FCRL5: variants seen among roughly 807,000 people sequenced by gnomAD.
FCRL5 encodes Fc receptor like 5, also known as Fc receptor-like protein 5.
Under a neutral mutation model 92.1 loss-of-function variants are expected in FCRL5, and 79 were observed. That is an observed-to-expected ratio of 0.86 (90% CI 0.72 to 1.03). The LOEUF (loss-of-function observed/expected upper bound fraction) is 1.03. FCRL5 is among the 50% of genes least tolerant of loss of function. The pLI, the probability that FCRL5 is intolerant of heterozygous loss-of-function variation, is 0.00. For missense variants in FCRL5, 1,160 were observed against 1,181.1 expected (o/e 0.98, Z 0.26); for synonymous variants, 466 against 469.3 (o/e 0.99, Z 0.09).
chr1:157,524,171 C>A (rs1220078215), intron 10 of FCRL5, 108 bp downstream of exon 10: 3 of 1,194,938 alleles, frequency 2.5e-6, no homozygotes, highest in Non-Finnish European at 2.4e-6. Flanking sequence ...TGCTGGGATG[C>A]CACACAAGCA....
At position 157,539,068 on chromosome 1, in the gene FCRL5, C is replaced by A; in HGVS notation, c.1402+18G>T. 6.2e-7 allele frequency: 1 copy of A among 1,607,888 alleles called. No homozygotes were observed. On this transcript the variant is annotated intron_variant, in intron 7 of 16. Transcript: ENST00000361835. ...CTCTTGGCCAGGGGTGGGTGATTGG[C>A]AGGAACCCAGGGCTTACCAGTGACG...
chr1:157,535,429 A>G (rs1375434734), intron 7 of FCRL5, among the ~76,000 whole-genome samples: 1 of 152,210 alleles, frequency 6.6e-6, no homozygotes, highest in African/African-American at 2.4e-5. Flanking sequence ...ATTCAAAAAC[A>G]ACTTTATTTG....
chr1:157,549,847 C>T (rs972037644), intron 1 of FCRL5, among the ~76,000 whole-genome samples: 21 of 151,758 alleles, frequency 1.4e-4, no homozygotes, highest in African/African-American at 4.9e-4. Flanking sequence ...AACAGAAACA[C>T]GATTTAAAAT....
chr1:157,544,736 G>A, intron 4 of FCRL5, 95 bp downstream of exon 4: 1 of 1,520,768 alleles, frequency 6.6e-7, no homozygotes, highest in Non-Finnish European at 9.0e-7. Context: ...TGGTTTAGTG[G>A]TATTCCAGTC....
At chr1:157,546,274 C>T in intron 3 of FCRL5, 1 of 454,116 alleles carries the variant, frequency 2.2e-6, no homozygotes. Context: ...ATGAGGAAAT[C>T]CCATCTCTGC....
At position 157,520,260 on chromosome 1, in the gene FCRL5, T is replaced by C. The variant is rs1393459774; in HGVS notation, c.2632+171A>G. Among the ~76,000 whole-genome samples, 3 of 152,158 alleles carry C rather than the reference T, an allele frequency of 2.0e-5. No homozygotes were observed. In the East Asian group the frequency reaches 5.8e-4, roughly 29 times the overall value. On this transcript the variant is annotated intron_variant, in intron 12 of 16. Coordinates refer to ENST00000361835, the MANE Select transcript of FCRL5 (RefSeq NM_031281.3). Reference sequence around the variant, plus strand: ...CCTTATAGGTCTGTTTTGGAAACTGTGCATTTGGTAAAAGCAATTCGGGAG... The same window carrying C: ...CCTTATAGGTCTGTTTTGGAAACTGCGCATTTGGTAAAAGCAATTCGGGAG...
chr1:157,552,483 G>C lies in FCRL5; in HGVS notation c.-121C>G. On this transcript the variant is annotated 5_prime_UTR_variant, in exon 1 of 17. Transcript: ENST00000361835. ...CAGCTCCAAGGAGCACATCTGAGAAGCTGTGCTCTCAAAAAGAGCAGAATG... is the reference window on the plus strand; with the variant it reads ...CAGCTCCAAGGAGCACATCTGAGAACCTGTGCTCTCAAAAAGAGCAGAATG... 1 of 1,017,950 alleles carries C rather than the reference G, an allele frequency of 9.8e-7. No individual in the cohort carries two copies. The highest frequency in any genetic ancestry group is 1.5e-6 in the Non-Finnish European group (1 of 649,416). 63.1% of individuals were successfully genotyped at this position (1,017,950 alleles called of 1,614,324 possible). A position where few individuals can be genotyped will look rare whatever the true frequency, so the allele number is the denominator to read the frequency against.
chr1:157,544,579 A>T, intron 4 of FCRL5, 33 bp from the exon 5 acceptor site: 1 of 1,605,708 alleles, frequency 6.2e-7, no homozygotes, highest in Non-Finnish European at 8.5e-7. Context: ...TCCCAGAGCA[A>T]TGAGGCTGGA....
At chr1:157,529,361 A>G (rs994918815) in intron 8 of FCRL5, among the ~76,000 whole-genome samples, 3 of 152,216 alleles carry the variant, frequency 2.0e-5, no homozygotes, top group Non-Finnish European at 2.9e-5. Flanking sequence ...AATGTAAACT[A>G]TTACAACCAC....
At chr1:157,539,031 G>C (rs1651112093) in intron 7 of FCRL5, 55 bp downstream of exon 7, 2 of 1,577,906 alleles carry the variant, frequency 1.3e-6, no homozygotes, top group African/African-American at 2.7e-5. Context: ...TGAAGGGTTG[G>C]GTAAGAGAGG....
chr1:157,531,692 A>G (rs1650704155), intron 8 of FCRL5, among the ~76,000 whole-genome samples: 1 of 152,218 alleles, frequency 6.6e-6, no homozygotes. Flanking sequence ...CCTGGAGGAT[A>G]TCATATTTAA....
chr1:157,523,748 G>C (rs1043113010), intron 10 of FCRL5: 2 of 153,704 alleles, frequency 1.3e-5, no homozygotes, highest in African/African-American at 4.8e-5. Context: ...CTCTGCCCTG[G>C]TCACCTGTGT....
intron 8 of FCRL5, chr1:157,533,401 A>G (rs1242434832): frequency 6.6e-6 from 1 of 152,162 alleles, no homozygotes; most frequent in African/African-American, 2.4e-5. Context: ...CATTCAATTA[A>G]TGGTTTTCAA....
At chr1:157,544,628 T>G in intron 4 of FCRL5, 82 bp from the exon 5 acceptor site, 1 of 1,526,706 alleles carries the variant, frequency 6.6e-7, no homozygotes, top group Non-Finnish European at 8.9e-7. Context: ...CAGCAGCACA[T>G]CCAAAAGCAG....
Position 157,527,640 on chromosome 1 carries a change from T to C in FCRL5, c.1937A>G (p.Asp646Gly). 6.2e-7 allele frequency: 1 copy of C among 1,611,614 alleles called. No homozygotes were observed. The highest frequency in any genetic ancestry group is 8.5e-7 in the Non-Finnish European group (1 of 1,178,662). Residue 646 changes from aspartate to glycine, a missense_variant, in exon 9 of 17, where the codon GAC (aspartate) becomes GGC (glycine). By Grantham distance (94) the Asp-to-Gly change is moderately conservative (BLOSUM62 -1). Coordinates refer to ENST00000361835, the MANE Select transcript of FCRL5 (RefSeq NM_031281.3). Reference sequence around the variant, plus strand: ...ACCTATAACACTGAGTGATATTGTGTCACTGTGCTGGGCCACTAGGCCATT... The same window carrying C: ...ACCTATAACACTGAGTGATATTGTGCCACTGTGCTGGGCCACTAGGCCATT... ...ANNGLVAQHSDTISLSVIVPV... is the reference protein window; with the variant it reads ...ANNGLVAQHSGTISLSVIVPV...
chr1:157,545,712 T>C (rs1651502596), intron 3 of FCRL5, among the ~76,000 whole-genome samples: 1 of 152,052 alleles, frequency 6.6e-6, no homozygotes, highest in Admixed American at 6.6e-5. Context: ...GTATTTTTAG[T>C]AGAGACGGGG....
rs374416174 is a variant in FCRL5, at chr1:157,546,405, G to A, written c.307+538C>T. On this transcript the variant is annotated intron_variant, in intron 3 of 16. Transcript: ENST00000361835. ...AGAAGTTGCAGTGAGCCGAGATAAC[G>A]CCACTGCACTCCAGCCTGGGTGACA... 1.0e-4 allele frequency: 34 copies of A among 330,270 alleles called. 1 individual carries two copies. Among genetic ancestry groups the A allele is most frequent in the East Asian group, 1.0e-3 (11 of 11,046 alleles). 20.5% of individuals were successfully genotyped at this position (330,270 alleles called of 1,614,324 possible).
At chr1:157,544,792 T>G in intron 4 of FCRL5, 39 bp downstream of exon 4, 1 of 1,612,582 alleles carries the variant, frequency 6.2e-7, no homozygotes, top group East Asian at 2.2e-5. Context: ...AGGAATCTCC[T>G]TTTGACCAAC....
intron 8 of FCRL5, among the ~76,000 whole-genome samples, chr1:157,528,894 T>C (rs1201496171): frequency 6.6e-6 from 1 of 152,194 alleles, no homozygotes; most frequent in Admixed American, 6.5e-5. Context: ...TAGACATTGG[T>C]TGGCTTAGGC....
Sources: gnomAD v4.1 joint callset for allele counts (sites outside exome capture counted in the v4.1 genomes callset) on GRCh38, gnomAD v4.1.1 for gene constraint, MANE v1.5 for transcripts, NCBI Gene and HGNC (gene_info 2026-07-23, HGNC 2026-07-21) for gene names.